Variants in GPRC5C observed in about 807,000 individuals in gnomAD.
GPRC5C encodes the protein G protein-coupled receptor class C group 5 member C, also known as G protein-coupled receptor family C group 5 member C.
A neutral mutation model predicts 31.4 loss-of-function variants in GPRC5C; 22 were observed. The ratio of observed to expected loss-of-function variants is 0.70; its 90% CI spans 0.50 to 1.00. The LOEUF (loss-of-function observed/expected upper bound fraction) is 1.00, where lower values mean the gene tolerates loss of function less well. GPRC5C is among the 50% of genes least tolerant of loss of function. The pLI, the probability that GPRC5C is intolerant of heterozygous loss-of-function variation, is 0.00. For synonymous variants in GPRC5C, 249 were observed against 257.5 expected, an observed-to-expected ratio of 0.97 and a Z score of 0.32; for missense variants, 557 against 597.2, an observed-to-expected ratio of 0.93 and a Z score of 0.70.
At position 74,446,993 on chromosome 17, in the gene GPRC5C, T is replaced by C; in HGVS notation, c.1291T>C (p.Ser431Pro). 1 of 1,614,066 alleles carries C rather than the reference T, an allele frequency of 6.2e-7. No homozygotes were observed. The highest frequency in any genetic ancestry group is 8.5e-7 in the Non-Finnish European group (1 of 1,179,946). ...CACACCGCCGAAAGACGGCAAGAACTCTCAGGTCTTTAGAAACCCCTACGT... is the reference window on the plus strand; with the variant it reads ...CACACCGCCGAAAGACGGCAAGAACCCTCAGGTCTTTAGAAACCCCTACGT... ...AATPPKDGKN[S>P]QVFRNPYVWD The change falls in exon 4 of 4, where the codon TCT (serine) becomes CCT (proline). Residue 431 changes from serine (S) to proline (P), a missense_variant. By Grantham distance (74) the Ser-to-Pro change is moderately conservative. Coordinates refer to ENST00000392627, the MANE Select transcript of GPRC5C (RefSeq NM_022036.4).
chr17:74,440,814 T>C lies in GPRC5C; in HGVS notation c.1038T>C (p.Asp346=), dbSNP rs372353175. 7 of 1,487,212 alleles carry C rather than the reference T, an allele frequency of 4.7e-6. No homozygotes were observed. Among genetic ancestry groups the C allele is most frequent in the Middle Eastern group, 1.8e-4 (1 of 5,506 alleles). 92.1% of individuals were successfully genotyped at this position (1,487,212 alleles called of 1,614,324 possible). A position where few individuals can be genotyped will look rare whatever the true frequency, so the allele number is the denominator to read the frequency against. ...TGGAGAACAAGGCCTTTTCCATGGA[T>C]GAGCCGGTTGCAGGTGGGTCTCTGT... is the stretch of plus-strand genomic sequence containing the variant. ...MFVENKAFSM[D]EPVAAKRPVS... Residue 346 remains aspartate (D), a synonymous_variant, in exon 2 of 4, where the codon GAT becomes GAC. Transcript: ENST00000392627. This position sits in a 1 kb window ranked among gnomAD's most constrained non-coding sequence, Gnocchi z 4.4.
At chr17:74,449,380 C>G, downstream of GPRC5C, 1 of 1,283,446 alleles carries the variant, frequency 7.8e-7, no homozygotes, top group South Asian at 1.2e-5. Flanking sequence ...GCCCTCTTCC[C>G]GGGACTGCAC....
At chr17:74,433,935 A>C (rs2055393603) in intron 1 of GPRC5C, among the ~76,000 whole-genome samples, 1 of 152,120 alleles carries the variant, frequency 6.6e-6, no homozygotes, top group Non-Finnish European at 1.5e-5. Context: ...TTGCTGGATG[A>C]AGCCACTTGT....
intron 1 of GPRC5C, among the ~76,000 whole-genome samples, chr17:74,435,209 A>T (rs1444888264): frequency 6.6e-6 from 1 of 151,758 alleles, no homozygotes; most frequent in Non-Finnish European, 1.5e-5. Context: ...ACAGAGCGAG[A>T]CTCCGTCTCA....
intron 1 of GPRC5C, chr17:74,432,448 C>T (rs979762238): frequency 2.1e-5 from 23 of 1,092,446 alleles, no homozygotes; most frequent in Non-Finnish European, 2.4e-5. Flanking sequence ...GTCCCTCCCA[C>T]CCCCGCCCGC....
chr17:74,433,678 G>A, intron 1 of GPRC5C: 2 of 1,600,588 alleles, frequency 1.2e-6, no homozygotes, highest in Non-Finnish European at 1.7e-6. Context: ...AGGAAGGCAA[G>A]TGCTCTGTGG....
At chr17:74,446,536 C>T (rs2055638151) in intron 3 of GPRC5C, 2 of 290,302 alleles carry the variant, frequency 6.9e-6, no homozygotes, top group African/African-American at 2.2e-5. Context: ...GCTGACTCTC[C>T]ACTGGCCCTA....
intron 1 of GPRC5C, among the ~76,000 whole-genome samples, chr17:74,432,676 C>T: frequency 6.7e-6 from 1 of 148,546 alleles, no homozygotes; most frequent in Non-Finnish European, 1.5e-5. Flanking sequence ...CAAACCCGAG[C>T]CGGCTGGGGA....
chr17:74,432,339 C>T (rs1488400772), intron 1 of GPRC5C, 198 bp downstream of exon 1: 6 of 1,422,870 alleles, frequency 4.2e-6, no homozygotes, highest in African/African-American at 2.9e-5. Flanking sequence ...CCCAGCGCGC[C>T]TGGCTCAGCC....
intron 3 of GPRC5C, 188 bp from the exon 4 acceptor site, chr17:74,446,661 T>C (rs1598434735): frequency 1.8e-6 from 1 of 559,972 alleles, no homozygotes; most frequent in African/African-American, 2.0e-5. Flanking sequence ...AGAGGCAGGG[T>C]GAGATAAGGG....
intron 2 of GPRC5C, chr17:74,443,557 G>A (rs1430384127): frequency 3.2e-6 from 2 of 629,184 alleles, no homozygotes; most frequent in African/African-American, 1.8e-5. Context: ...GTCAGGGGCT[G>A]GGGTGTCTAC....
intron 1 of GPRC5C, among the ~76,000 whole-genome samples, chr17:74,438,234 TATATATATATATATATATTTG>T (rs1303729569): frequency 2.1e-4 from 25 of 117,512 alleles, no homozygotes; most frequent in African/African-American, 8.0e-4. Flanking sequence ...TATATATATA[TATATATATATATATATATTTG>T]TTGTTGTTGT....
chr17:74,435,905 A>G (rs890252007), intron 1 of GPRC5C, among the ~76,000 whole-genome samples: 1 of 152,214 alleles, frequency 6.6e-6, no homozygotes, highest in Non-Finnish European at 1.5e-5. Flanking sequence ...TCCGCCATCC[A>G]ACCAGTCCTT....
intron 1 of GPRC5C, among the ~76,000 whole-genome samples, chr17:74,434,044 G>A (rs1419287029): frequency 2.0e-5 from 3 of 152,194 alleles, no homozygotes; most frequent in Non-Finnish European, 4.4e-5. Context: ...GGAGGGAGGA[G>A]GGAGGTTCAG....
Position 74,440,537 on chromosome 17 carries a change from C to A in GPRC5C, c.761C>A (p.Ala254Asp), listed in dbSNP as rs746378678. ...CTCCTCACCACAGCCACCTCCGTTG[C>A]CATATGGGTGGTGTGGATCGTCATG... Reference protein sequence around the residue: ...FVLLTTATSVAIWVVWIVMYT... With the variant: ...FVLLTTATSVDIWVVWIVMYT... Residue 254 changes from alanine (A) to aspartate (D), a missense_variant, in exon 2 of 4, where the codon GCC (alanine) becomes GAC (aspartate). Coordinates refer to ENST00000392627, the MANE Select transcript of GPRC5C (RefSeq NM_022036.4). This position sits in a 1 kb window ranked among gnomAD's most constrained non-coding sequence, Gnocchi z 4.4. 55 of 1,614,162 alleles carry A rather than the reference C, an allele frequency of 3.4e-5. No homozygotes were observed. Among genetic ancestry groups the A allele is most frequent in the Non-Finnish European group, 4.6e-5 (54 of 1,179,996 alleles).
At chr17:74,438,297 A>G (rs11867172) in intron 1 of GPRC5C, among the ~76,000 whole-genome samples, 5,171 of 141,110 alleles carry the variant, frequency 0.037, 154 homozygotes, top group Middle Eastern at 0.1. Context: ...GTCTCACTCT[A>G]TTGATCAGGT....
At position 74,443,823 on chromosome 17, in the gene GPRC5C, A is replaced by G. The variant is rs200865904; in HGVS notation, c.1057A>G (p.Arg353Gly). 1.9e-5 allele frequency: 30 copies of G among 1,609,736 alleles called. No homozygotes were observed. Among genetic ancestry groups the G allele is most frequent in the Non-Finnish European group, 2.4e-5 (28 of 1,176,160 alleles). ...FSMDEPVAAKRPVSPYSGYNG... is the reference protein window; with the variant it reads ...FSMDEPVAAKGPVSPYSGYNG... The stretch of plus-strand genomic sequence containing the variant: ...GTTCCTGCTTTTCCTTGTAGCTAAG[A>G]GGCCGGTGTCACCATACAGCGGGTA... The change falls in exon 3 of 4, where the codon AGG becomes GGG. Residue 353 changes from arginine to glycine, a missense_variant. Coordinates refer to ENST00000392627, the MANE Select transcript of GPRC5C (RefSeq NM_022036.4).
downstream of GPRC5C, chr17:74,449,242 T>C (rs1399492720): frequency 1.5e-5 from 9 of 602,932 alleles, no homozygotes; most frequent in Admixed American, 1.6e-4. Flanking sequence ...ATTAGCCTCC[T>C]GGGGACTGAA....
intron 1 of GPRC5C, among the ~76,000 whole-genome samples, chr17:74,438,134 A>G (rs2055462359): frequency 6.8e-6 from 1 of 147,382 alleles, no homozygotes; most frequent in Non-Finnish European, 1.5e-5. Flanking sequence ...CCCTGGGCTC[A>G]GATGATCCTC....
Sources: gnomAD v4.1 joint callset for allele counts (sites outside exome capture counted in the v4.1 genomes callset) on GRCh38, gnomAD v4.1.1 for gene constraint, Gnocchi (gnomAD v3.1) non-coding constraint, MANE v1.5 for transcripts, NCBI Gene and HGNC (gene_info 2026-07-23, HGNC 2026-07-21) for gene names.